Variants in PPFIA2 observed in about 807,000 individuals in gnomAD.
The protein encoded by PPFIA2 is liprin-alpha-2.
Under a neutral mutation model 175.5 loss-of-function variants are expected in PPFIA2, and 46 were observed. The observed-to-expected ratio is 0.26, with a 90% CI of 0.21 to 0.34. The LOEUF (loss-of-function observed/expected upper bound fraction) is 0.34. PPFIA2 is among the 10% of genes least tolerant of loss of function. PPFIA2 has a pLI of 1.00. For missense variants in PPFIA2, 1,179 were observed against 1,506.1 expected (o/e 0.78, Z 3.60); for synonymous variants, 568 against 511.4 (o/e 1.11, Z -1.49).
chr12:81,403,910 T>A (rs553395320), intron 8 of PPFIA2, among the ~76,000 whole-genome samples: 1 of 152,148 alleles, frequency 6.6e-6, no homozygotes, highest in Non-Finnish European at 1.5e-5. Flanking sequence ...CACACTTGAA[T>A]CTCTCAAGTT....
intron 3 of PPFIA2, among the ~76,000 whole-genome samples, chr12:81,684,957 A>G (rs921523911): frequency 2.0e-5 from 3 of 152,092 alleles, no homozygotes; most frequent in African/African-American, 7.2e-5. Flanking sequence ...GCTTCCAATT[A>G]AAGGTCTGAC....
intron 3 of PPFIA2, among the ~76,000 whole-genome samples, chr12:81,707,721 A>G (rs1424488443): frequency 3.3e-5 from 5 of 150,614 alleles, no homozygotes; most frequent in African/African-American, 7.4e-5. Context: ...ACACATGCAC[A>G]CGTATGTTTA....
At chr12:81,418,619 G>A (rs961224191) in intron 7 of PPFIA2, among the ~76,000 whole-genome samples, 1 of 151,848 alleles carries the variant, frequency 6.6e-6, no homozygotes, top group Non-Finnish European at 1.5e-5. Flanking sequence ...AGACCATCTG[G>A]CTCATAAAGC....
chr12:81,297,452 G>A (rs1162034558), intron 23 of PPFIA2, among the ~76,000 whole-genome samples: 1 of 152,152 alleles, frequency 6.6e-6, no homozygotes, highest in African/African-American at 2.4e-5. Flanking sequence ...TGTGGACTGG[G>A]TTGTGATAGA....
At chr12:81,278,624 T>C (rs750074839) in intron 27 of PPFIA2, among the ~76,000 whole-genome samples, 3 of 150,478 alleles carry the variant, frequency 2.0e-5, no homozygotes, top group Non-Finnish European at 3.0e-5. Context: ...TCAGAGAAGA[T>C]AGAGAAATCA....
Position 81,268,101 on chromosome 12 carries a change from T to G in PPFIA2, c.3311-14A>C. On this transcript the variant is annotated splice_polypyrimidine_tract_variant and intron_variant, in intron 28 of 32. Coordinates refer to ENST00000549396, the MANE Select transcript of PPFIA2 (RefSeq NM_003625.5). ...ACACCAACACGTCTAGGAAAAGAGA[T>G]GCATCATTTTAGGATGCATTATTTT... 6.4e-7 allele frequency: 1 copy of G among 1,554,444 alleles called. No homozygotes were observed. Among genetic ancestry groups the G allele is most frequent in the Non-Finnish European group, 8.7e-7 (1 of 1,145,742 alleles).
intron 7 of PPFIA2, among the ~76,000 whole-genome samples, chr12:81,413,112 G>A (rs987769146): frequency 6.6e-6 from 1 of 151,860 alleles, no homozygotes; most frequent in Non-Finnish European, 1.5e-5. Context: ...ACAACTGGAT[G>A]TTAGTTTTCT....
At chr12:81,389,559 A>G (rs2039710785) in intron 8 of PPFIA2, among the ~76,000 whole-genome samples, 1 of 152,090 alleles carries the variant, frequency 6.6e-6, no homozygotes, top group Non-Finnish European at 1.5e-5. Context: ...CAGAAAATAT[A>G]TAATCTTTTA....
intron 4 of PPFIA2, among the ~76,000 whole-genome samples, chr12:81,464,260 G>A (rs1473040702): frequency 6.6e-6 from 1 of 152,080 alleles, no homozygotes; most frequent in Non-Finnish European, 1.5e-5. Flanking sequence ...CTAAGTATAT[G>A]CTGGGTACAT....
chr12:81,537,200 T>C (rs1296359342), intron 4 of PPFIA2, among the ~76,000 whole-genome samples: 1 of 151,728 alleles, frequency 6.6e-6, no homozygotes, highest in Non-Finnish European at 1.5e-5. Flanking sequence ...AGATAATTCT[T>C]TGATGTGTTT....
chr12:81,400,696 G>A (rs1413423708), intron 8 of PPFIA2, among the ~76,000 whole-genome samples: 3 of 152,126 alleles, frequency 2.0e-5, no homozygotes, highest in East Asian at 1.9e-4. Flanking sequence ...GATTCAAAGA[G>A]GAGAGAAGAA....
At chr12:81,537,316 A>G (rs2065545992) in intron 4 of PPFIA2, among the ~76,000 whole-genome samples, 1 of 151,880 alleles carries the variant, frequency 6.6e-6, no homozygotes, top group Non-Finnish European at 1.5e-5. Flanking sequence ...CTGGCAATGG[A>G]GACACCATCT....
At chr12:81,749,475 A>G (rs886785579) in intron 3 of PPFIA2, among the ~76,000 whole-genome samples, 2 of 143,792 alleles carry the variant, frequency 1.4e-5, no homozygotes, top group African/African-American at 4.9e-5. Flanking sequence ...TACATATGAC[A>G]TTTTGCAACA....
chr12:81,728,868 A>G (rs1332583437), intron 3 of PPFIA2, among the ~76,000 whole-genome samples: 1 of 151,488 alleles, frequency 6.6e-6, no homozygotes, highest in Non-Finnish European at 1.5e-5. Flanking sequence ...GATAGATGGT[A>G]TTGAGAGATA....
intron 21 of PPFIA2, among the ~76,000 whole-genome samples, chr12:81,327,902 T>C (rs1365585259): frequency 2.6e-5 from 4 of 152,154 alleles, no homozygotes; most frequent in African/African-American, 4.8e-5. Context: ...AAATCTAGTA[T>C]CTTTTTTCAA....
At chr12:81,753,365 A>G (rs2084137491) in intron 3 of PPFIA2, among the ~76,000 whole-genome samples, 1 of 152,120 alleles carries the variant, frequency 6.6e-6, no homozygotes, top group African/African-American at 2.4e-5. Flanking sequence ...ATATTTAAAT[A>G]TAGCTAACAA....
At chr12:81,521,651 C>CAAAAAAAAAAA (rs1167533871) in intron 4 of PPFIA2, among the ~76,000 whole-genome samples, 44 of 87,354 alleles carry the variant, frequency 5.0e-4, no homozygotes, top group East Asian at 1.1e-3. Context: ...TAATAAAATA[C>CAAAAAAAAAAA]AAAAAAAAAA....
intron 4 of PPFIA2, among the ~76,000 whole-genome samples, chr12:81,593,108 C>A (rs1163306517): frequency 2.0e-5 from 3 of 152,102 alleles, no homozygotes; most frequent in African/African-American, 7.2e-5. Context: ...TTTCAGTTTA[C>A]ATATCAGTCT....
intron 19 of PPFIA2, 76 bp from the exon 20 acceptor site, chr12:81,341,284 A>G: frequency 1.4e-6 from 2 of 1,417,628 alleles, no homozygotes; most frequent in Non-Finnish European, 1.9e-6. Flanking sequence ...GAGAATCATG[A>G]GAACAAGGCT....
Sources: allele counts gnomAD v4.1 joint callset (sites outside exome capture counted in the v4.1 genomes callset), GRCh38; gene constraint gnomAD v4.1.1; transcripts MANE v1.5; gene names NCBI Gene and HGNC (gene_info 2026-07-23, HGNC 2026-07-21).